Variants in LILRB4 observed in about 807,000 individuals in gnomAD.
The protein encoded by LILRB4 is leukocyte immunoglobulin-like receptor subfamily B member 4.
Under a neutral mutation model 55.2 loss-of-function variants are expected in LILRB4, and 49 were observed. The observed-to-expected ratio is 0.89, with a 90% CI of 0.71 to 1.13. The LOEUF is 1.13. Ranked by LOEUF, LILRB4 falls within the 50% of genes most tolerant of loss-of-function variation. The pLI is 0.00. For synonymous variants in LILRB4, 229 were observed against 213.8 expected (o/e 1.07, Z -0.62); for missense variants, 590 against 555.2 (o/e 1.06, Z -0.63).
At chr19:54,668,117 AG>A in exon 12 of LILRB4, 1 of 1,432,364 alleles carries the variant, frequency 7.0e-7, no homozygotes, top group Non-Finnish European at 9.6e-7. Context: ...CAGCCAGCCC[AG>A]ACCCCTGACA....
At position 54,666,897 on chromosome 19, in the gene LILRB4, C is replaced by T. The variant is rs2065296930; in HGVS notation, c.1041+148C>T. ...GCACGCTGCCTCCTGCCTGCTGGGA[C>T]CTCACTCTCTCCTGCTGTCCTGGGA... On this transcript the variant is annotated intron_variant, in intron 10 of 11. Coordinates refer to ENST00000430952, the Ensembl canonical transcript of LILRB4. This position sits in a 1 kb window ranked among gnomAD's most constrained non-coding sequence, Gnocchi z 4.8. 2.3e-6 allele frequency: 2 copies of T among 851,318 alleles called. No homozygotes were observed. Among genetic ancestry groups the T allele is most frequent in the Non-Finnish European group, 2.1e-6 (1 of 487,288 alleles). The allele number at this position is 851,318 out of a possible 1,614,324, so 52.7% of individuals were successfully genotyped here. A position where few individuals can be genotyped will look rare whatever the true frequency, so the allele number is the denominator to read the frequency against.
chr19:54,667,881 A>T (rs1306847162), exon 12 of LILRB4: 1 of 1,578,658 alleles, frequency 6.3e-7, no homozygotes, highest in Non-Finnish European at 8.6e-7. Flanking sequence ...AGGCTGCTGC[A>T]TCTGAAGCCC....
Position 54,666,018 on chromosome 19 carries a change from T to C in LILRB4, c.874+87T>C. The C allele has an allele frequency of 6.6e-7, 1 of 1,513,578 alleles. No individual in the cohort carries two copies. The highest frequency in any genetic ancestry group is 9.0e-7 in the Non-Finnish European group (1 of 1,110,824). The allele number at this position is 1,513,578 out of a possible 1,614,324, so 93.8% of individuals were successfully genotyped here. A position where few individuals can be genotyped will look rare whatever the true frequency, so the allele number is the denominator to read the frequency against. ...GGGACTCCAGATAGGAGAGGTCATC[T>C]TAGAAACTCTGCTCCAGAAATTCCC... On this transcript the variant is annotated intron_variant, in intron 7 of 11. Transcript: ENST00000430952. This position sits in a 1 kb window ranked among gnomAD's most constrained non-coding sequence, Gnocchi z 4.8.
chr19:54,667,583 T>A (rs1486863711), intron 10 of LILRB4, 52 bp from the exon 11 acceptor site: 1 of 1,604,986 alleles, frequency 6.2e-7, no homozygotes, highest in Non-Finnish European at 8.5e-7. Context: ...GAAAATTGAC[T>A]CCAGGGAGTC....
At chr19:54,668,318 A>G (rs2065389362) in exon 12 of LILRB4, 3 of 330,216 alleles carry the variant, frequency 9.1e-6, no homozygotes, top group South Asian at 9.2e-5. Flanking sequence ...AACCAATGAC[A>G]TGGGAAAATG....
At chr19:54,664,514 G>C (rs373592208) in intron 4 of LILRB4, 29 bp downstream of exon 4, 2 of 1,567,452 alleles carry the variant, frequency 1.3e-6, no homozygotes, top group Non-Finnish European at 8.7e-7. Context: ...TCCTCTCTGA[G>C]CTCAGTGGCT....
chr19:54,666,608 G>A lies in LILRB4; in HGVS notation c.989-89G>A. The A allele has an allele frequency of 2.0e-6, 3 of 1,472,916 alleles. No homozygotes were observed. The highest frequency in any genetic ancestry group is 1.9e-6 in the Non-Finnish European group (2 of 1,062,654). 91.2% of individuals were successfully genotyped at this position (1,472,916 alleles called of 1,614,324 possible). A position where few individuals can be genotyped will look rare whatever the true frequency, so the allele number is the denominator to read the frequency against. On this transcript the variant is annotated intron_variant, in intron 9 of 11. Coordinates refer to ENST00000430952, the Ensembl canonical transcript of LILRB4. The surrounding 1 kb of genome is among the most constrained non-coding windows in gnomAD (Gnocchi z 4.8). ...CACAGCCCCTCCCTGCGTTGCAGTG[G>A]CACTAATGGGAACAGGGCAGGGACC...
At chr19:54,664,701 T>C in intron 4 of LILRB4, 98 bp from the exon 5 acceptor site, 1 of 1,100,832 alleles carries the variant, frequency 9.1e-7, no homozygotes, top group Non-Finnish European at 1.3e-6. Context: ...GAAATGGTCC[T>C]TGGGAAGCTG....
At chr19:54,667,481 G>A in intron 10 of LILRB4, 154 bp from the exon 11 acceptor site, 1 of 1,408,290 alleles carries the variant, frequency 7.1e-7, no homozygotes, top group South Asian at 1.5e-5. Flanking sequence ...CAGAACCACA[G>A]GGAGGGAGCG....
chr19:54,664,977 C>A, intron 5 of LILRB4, 128 bp downstream of exon 5: 1 of 1,350,546 alleles, frequency 7.4e-7, no homozygotes, highest in Non-Finnish European at 1.0e-6. Context: ...GGGAGTCGGG[C>A]AGCGACTTGG....
chr19:54,666,501 TG>T lies in LILRB4; in HGVS notation c.988+70del. ...GGGGGTCCCAAAATTTCAATAGCAA[TG>T]GGGGCAGGAGCACAGGCTAGGATTG... On this transcript the variant is annotated intron_variant, in intron 9 of 11. Transcript: ENST00000430952. This position sits in a 1 kb window ranked among gnomAD's most constrained non-coding sequence, Gnocchi z 4.8. 6.4e-7 allele frequency: 1 copy of T among 1,573,712 alleles called. No individual in the cohort carries two copies. Among genetic ancestry groups the T allele is most frequent in the Non-Finnish European group, 8.7e-7 (1 of 1,147,184 alleles).
In LILRB4 at chr19:54,666,747, C is replaced by T. The variant is rs73933939; in HGVS notation, c.1039C>T (p.Arg347Trp). The T allele has an allele frequency of 4.1e-4, 665 of 1,614,028 alleles. 6 individuals carry two copies. The East Asian group carries it at 0.013, about 32-fold the overall frequency. ...TGAGGACGGGGTGGAAATGGACACTCGGGTGAGAACCCGCCCCTGTCCCCG... is the reference window on the plus strand; with the variant it reads ...TGAGGACGGGGTGGAAATGGACACTTGGGTGAGAACCCGCCCCTGTCCCCG... The change falls in exon 10 of 12, where the codon CGG (arginine) becomes TGG (tryptophan). Residue 347 changes from arginine to tryptophan, a missense_variant and splice_region_variant. Physicochemically the swap from Arg to Trp is moderately radical, Grantham distance 101. Coordinates refer to ENST00000430952, the Ensembl canonical transcript of LILRB4. This position sits in a 1 kb window ranked among gnomAD's most constrained non-coding sequence, Gnocchi z 4.8.
At chr19:54,663,623 C>A in intron 2 of LILRB4, 56 bp downstream of exon 2, 1 of 1,612,478 alleles carries the variant, frequency 6.2e-7, no homozygotes, top group Non-Finnish European at 8.5e-7. Flanking sequence ...CAAGGGGCCA[C>A]CCATGGGCAG....
rs111444026 is a variant in LILRB4, at chr19:54,665,040, G to T, written c.707-90G>T. The T allele has an allele frequency of 6.5e-7, 1 of 1,528,098 alleles. No homozygotes were observed. Among genetic ancestry groups the T allele is most frequent in the African/African-American group, 1.4e-5 (1 of 73,374 alleles). 94.7% of individuals were successfully genotyped at this position (1,528,098 alleles called of 1,614,324 possible). On this transcript the variant is annotated intron_variant, in intron 5 of 11. Transcript: ENST00000430952. The surrounding 1 kb of genome is among the most constrained non-coding windows in gnomAD (Gnocchi z 5.5). ...AGGCTGGGCTGGTGAGGGGTGAGGG[G>T]GTCAAGGCTGAAGGAGATGTTGCGG...
chr19:54,666,373 C>T lies in LILRB4; in HGVS notation c.951-26C>T, dbSNP rs1568646380. 2 of 1,613,392 alleles carry T rather than the reference C, an allele frequency of 1.2e-6. No individual in the cohort carries two copies. Among genetic ancestry groups the T allele is most frequent in the Non-Finnish European group, 1.7e-6 (2 of 1,179,536 alleles). On this transcript the variant is annotated intron_variant, in intron 8 of 11. Transcript: ENST00000430952. This position sits in a 1 kb window ranked among gnomAD's most constrained non-coding sequence, Gnocchi z 4.8. ...CATCCCAACAGCCACCTCACTGTCC[C>T]CTTACACTCCCGTATCCTCCCCCAG... is the stretch of plus-strand genomic sequence containing the variant.
chr19:54,666,234 C>T lies in LILRB4; in HGVS notation c.875-6C>T, dbSNP rs1302810166. The T allele has an allele frequency of 1.3e-6, 2 of 1,587,422 alleles. No individual in the cohort carries two copies. On this transcript the variant is annotated splice_polypyrimidine_tract_variant and splice_region_variant and intron_variant, in intron 7 of 11. Transcript: ENST00000430952. The surrounding 1 kb of genome is among the most constrained non-coding windows in gnomAD (Gnocchi z 4.8). ...CAGAGCTGAGACTCTGTCCATCTTC[C>T]CCCAGCCCAGAGACAGGCTGATTTC...
exon 12 of LILRB4, chr19:54,668,040 C>A (rs756800405): frequency 7.1e-5 from 114 of 1,613,580 alleles, no homozygotes; most frequent in Non-Finnish European, 9.0e-5. Context: ...ACCCAGACCC[C>A]ACAAGCCATG....
Position 54,666,258 on chromosome 19 carries a change from T to C in LILRB4, c.893T>C (p.Phe298Ser). The change falls in exon 8 of 12, where the codon TTC (phenylalanine) becomes TCC (serine). Residue 298 changes from phenylalanine (F) to serine (S), a missense_variant. Coordinates refer to ENST00000430952, the Ensembl canonical transcript of LILRB4. The surrounding 1 kb of genome is among the most constrained non-coding windows in gnomAD (Gnocchi z 4.8). The stretch of plus-strand genomic sequence containing the variant: ...CCCCCAGCCCAGAGACAGGCTGATT[T>C]CCAACGTCCTCCAGGGGCTGCCGAG... The C allele has an allele frequency of 6.2e-7, 1 of 1,605,326 alleles. No individual in the cohort carries two copies. The highest frequency in any genetic ancestry group is 1.1e-5 in the South Asian group (1 of 89,752).
intron 10 of LILRB4, 84 bp from the exon 11 acceptor site, chr19:54,667,551 G>A (rs373658146): frequency 8.7e-5 from 138 of 1,582,396 alleles, no homozygotes; most frequent in African/African-American, 3.4e-4. Context: ...GGATGTAATC[G>A]GATCACCCTG....
Sources: gnomAD v4.1 joint callset for allele counts on GRCh38, gnomAD v4.1.1 for gene constraint, Gnocchi (gnomAD v3.1) non-coding constraint, MANE v1.5 for transcripts, NCBI Gene and HGNC (gene_info 2026-07-23, HGNC 2026-07-21) for gene names.